Variants in HS6ST2 observed in about 807,000 individuals in gnomAD.
The protein encoded by HS6ST2 is heparan-sulfate 6-O-sulfotransferase 2.
A neutral mutation model predicts 33.0 loss-of-function variants in HS6ST2; 17 were observed. The ratio of observed to expected loss-of-function variants is 0.52; its 90% CI spans 0.35 to 0.77. The LOEUF is 0.77. Among genes scored for constraint, HS6ST2 ranks in the 30% least tolerant of loss-of-function variants. The probability of loss-of-function intolerance (pLI) is 0.01; values close to 1 mark genes in which losing one functional copy is unlikely to be tolerated. For synonymous variants in HS6ST2, 248 were observed against 237.1 expected (o/e 1.05, Z -0.42); for missense variants, 519 against 551.7 (o/e 0.94, Z 0.59).
intron 2 of HS6ST2, among the ~76,000 whole-genome samples, chrX:132,839,303 T>C (rs201405109): frequency 1.9e-4 from 5 of 26,762 alleles, no homozygotes; most frequent in African/African-American, 5.2e-4. Flanking sequence ...TATATATATA[T>C]ATATATATAT....
At chrX:132,786,148 G>A (rs956889706) in intron 2 of HS6ST2, among the ~76,000 whole-genome samples, 1 of 111,903 alleles carries the variant, frequency 8.9e-6, no homozygotes, top group Non-Finnish European at 1.9e-5. Context: ...TGGCTGCCAC[G>A]TGTGCATTAC....
chrX:132,825,106 G>A (rs763945378), intron 2 of HS6ST2, among the ~76,000 whole-genome samples: 6 of 111,899 alleles, frequency 5.4e-5, no homozygotes, highest in Non-Finnish European at 9.4e-5. Context: ...GTGGGCCCAA[G>A]CTCTGACACT....
intron 2 of HS6ST2, among the ~76,000 whole-genome samples, chrX:132,929,597 C>T (rs1371715803): frequency 1.8e-5 from 2 of 111,315 alleles, no homozygotes; most frequent in Non-Finnish European, 3.8e-5. Context: ...GACTTTGGAA[C>T]ACAAAATTAC....
intron 2 of HS6ST2, among the ~76,000 whole-genome samples, chrX:132,866,907 C>T (rs1293832687): frequency 1.9e-5 from 2 of 107,161 alleles, no homozygotes; most frequent in Non-Finnish European, 3.8e-5. Context: ...TCTAGATATA[C>T]AATCATGTCG....
intron 2 of HS6ST2, among the ~76,000 whole-genome samples, chrX:132,885,377 AT>A (rs2066238480): frequency 9.0e-6 from 1 of 111,426 alleles, no homozygotes; most frequent in African/African-American, 3.3e-5. Flanking sequence ...TGAATGGTGA[AT>A]TTTACCTTAG....
At position 132,916,357 on chromosome X, in the gene HS6ST2, C is replaced by T. The variant is rs906223516; in HGVS notation, c.947+40451G>A. Reference sequence around the variant, plus strand: ...TAAAATAGCAATGAAACAGTGCTTACCCAATTGTGTAAAATTATACTGTTT... The same window carrying T: ...TAAAATAGCAATGAAACAGTGCTTATCCAATTGTGTAAAATTATACTGTTT... On this transcript the variant is annotated intron_variant, in intron 2 of 4. Transcript: ENST00000370833. 6.2e-5 allele frequency among the ~76,000 whole-genome samples: 7 copies of T among 112,395 alleles called. No homozygotes were observed. The East Asian group carries it at 1.1e-3, about 18-fold the overall frequency.
At chrX:132,745,142 G>A (rs1367802103) in intron 2 of HS6ST2, among the ~76,000 whole-genome samples, 1 of 111,401 alleles carries the variant, frequency 9.0e-6, no homozygotes, top group African/African-American at 3.3e-5. Flanking sequence ...CTGGAGTGCA[G>A]TGGCACAATC....
intron 2 of HS6ST2, among the ~76,000 whole-genome samples, chrX:132,813,361 T>C (rs1377829315): frequency 1.8e-5 from 2 of 111,523 alleles, no homozygotes; most frequent in East Asian, 5.6e-4. Flanking sequence ...TCTTGCTACC[T>C]CTCCAACTGT....
chrX:132,762,393 G>A (rs1415115539), intron 2 of HS6ST2, among the ~76,000 whole-genome samples: 2 of 112,254 alleles, frequency 1.8e-5, no homozygotes, highest in Admixed American at 9.5e-5. Flanking sequence ...CTTCTCCCTT[G>A]ACTTTCTTCC....
chrX:132,837,332 C>CGTGTGTGT (rs10592129), intron 2 of HS6ST2, among the ~76,000 whole-genome samples: 1 of 103,330 alleles, frequency 9.7e-6, no homozygotes, highest in Non-Finnish European at 2.0e-5. Flanking sequence ...ACAGTATAGC[C>CGTGTGTGT]GTGTGTGTGT....
At chrX:132,945,646 A>G (rs941667700) in intron 2 of HS6ST2, among the ~76,000 whole-genome samples, 2 of 110,401 alleles carry the variant, frequency 1.8e-5, no homozygotes, top group Non-Finnish European at 3.8e-5. Flanking sequence ...AAAATGTGGC[A>G]CATATACACC....
intron 2 of HS6ST2, among the ~76,000 whole-genome samples, chrX:132,891,670 A>G (rs887122827): frequency 9.0e-6 from 1 of 111,252 alleles, no homozygotes; most frequent in African/African-American, 3.3e-5. Flanking sequence ...TTTACTGACA[A>G]TAATGATTTC....
At chrX:132,709,809 C>G (rs1454192928) in intron 2 of HS6ST2, among the ~76,000 whole-genome samples, 2 of 9,136 alleles carry the variant, frequency 2.2e-4, no homozygotes, top group African/African-American at 1.1e-3. Context: ...GGTGAAAAGA[C>G]AAAACACACA....
intron 2 of HS6ST2, among the ~76,000 whole-genome samples, chrX:132,788,301 T>C (rs1338046613): frequency 3.6e-5 from 4 of 112,013 alleles, no homozygotes; most frequent in Non-Finnish European, 7.5e-5. Flanking sequence ...ACTATATCTG[T>C]TATGGTCATC....
rs200906906 is a variant in HS6ST2, at chrX:132,681,668, C to T, written c.981-12469G>A. On this transcript the variant is annotated intron_variant, in intron 3 of 4. Coordinates refer to ENST00000370833, the MANE Select transcript of HS6ST2 (RefSeq NM_001394073.1). ...AAAAATTTAAGTCAGCCTTATGCCA[C>T]GACCCACTTGATGAACACTTCCAAA... is the stretch of plus-strand genomic sequence containing the variant. Among the ~76,000 whole-genome samples the T allele has an allele frequency of 6.3e-5, 7 of 111,981 alleles. No individual in the cohort carries two copies. In the East Asian group the frequency reaches 2.0e-3, roughly 31 times the overall value.
chrX:132,814,101 G>A (rs751984304), intron 2 of HS6ST2, among the ~76,000 whole-genome samples: 2 of 110,528 alleles, frequency 1.8e-5, no homozygotes, highest in African/African-American at 6.6e-5. Flanking sequence ...CCACCACCAC[G>A]CCCGGATAAT....
chrX:132,782,023 C>A (rs1465595851), intron 2 of HS6ST2, among the ~76,000 whole-genome samples: 1 of 111,735 alleles, frequency 8.9e-6, no homozygotes, highest in African/African-American at 3.3e-5. Context: ...AGGTTGTGAG[C>A]AGGACTCATG....
chrX:132,910,887 C>T (rs750436604), intron 2 of HS6ST2, among the ~76,000 whole-genome samples: 10 of 111,664 alleles, frequency 9.0e-5, no homozygotes, highest in Non-Finnish European at 1.7e-4. Flanking sequence ...TGGTAGCTCA[C>T]GCTTGTAATC....
chrX:132,782,988 T>A (rs763979243), intron 2 of HS6ST2, among the ~76,000 whole-genome samples: 15 of 111,262 alleles, frequency 1.3e-4, no homozygotes, highest in Non-Finnish European at 2.6e-4. Context: ...AGAAGAAAAG[T>A]AACAATATGT....
Sources: allele counts gnomAD v4.1 joint callset (sites outside exome capture counted in the v4.1 genomes callset), GRCh38; gene constraint gnomAD v4.1.1; transcripts MANE v1.5; gene names NCBI Gene and HGNC (gene_info 2026-07-23, HGNC 2026-07-21).